The following SLC13A4 variants were observed in gnomAD, a reference collection of about 807,000 sequenced individuals.
SLC13A4 encodes the protein solute carrier family 13 member 4.
A neutral mutation model predicts 72.7 loss-of-function variants in SLC13A4; 28 were observed. The observed-to-expected ratio is 0.39, with a 90% CI of 0.29 to 0.53. The LOEUF is 0.53. Ranked by LOEUF, SLC13A4 falls within the 20% of genes least tolerant of loss-of-function variation. SLC13A4 has a pLI of 0.78. For synonymous variants in SLC13A4, 312 were observed against 325.5 expected, an observed-to-expected ratio of 0.96 and a Z score of 0.45; for missense variants, 653 against 788.0, an observed-to-expected ratio of 0.83 and a Z score of 2.05.
At chr7:135,725,563 C>T (rs189649763) in intron 1 of SLC13A4, among the ~76,000 whole-genome samples, 6 of 152,278 alleles carry the variant, frequency 3.9e-5, no homozygotes, top group Admixed American at 3.3e-4. Context: ...TCGCTTAGAA[C>T]CATCAAAACT....
chr7:135,721,779 C>T (rs1796555233), intron 1 of SLC13A4, among the ~76,000 whole-genome samples: 1 of 152,180 alleles, frequency 6.6e-6, no homozygotes, highest in South Asian at 2.1e-4. Flanking sequence ...AGCCAGGCAG[C>T]TCGGAGGGTT....
At chr7:135,716,790 G>T (rs1450387341) in intron 2 of SLC13A4, among the ~76,000 whole-genome samples, 3 of 152,126 alleles carry the variant, frequency 2.0e-5, no homozygotes, top group African/African-American at 7.2e-5. Context: ...TCTTTAAAAT[G>T]AAGATAAAAA....
intron 14 of SLC13A4, 76 bp from the exon 15 acceptor site, chr7:135,684,337 T>G (rs1795574013): frequency 2.0e-6 from 3 of 1,500,440 alleles, no homozygotes. Context: ...GAGCATGCTT[T>G]AATGATGACT....
intron 15 of SLC13A4, chr7:135,683,325 GGA>G: frequency 3.6e-6 from 1 of 281,258 alleles, no homozygotes; most frequent in Non-Finnish European, 4.9e-6. Flanking sequence ...AAAAAAAAAA[GGA>G]TAAAAAAGGA....
intron 13 of SLC13A4, among the ~76,000 whole-genome samples, chr7:135,688,547 A>G (rs1256039483): frequency 6.6e-6 from 1 of 152,136 alleles, no homozygotes; most frequent in African/African-American, 2.4e-5. Flanking sequence ...GTGAGTCACC[A>G]TGCCCGGCCT....
chr7:135,715,158 TGAGA>T (rs138920259), intron 2 of SLC13A4, among the ~76,000 whole-genome samples: 3 of 151,714 alleles, frequency 2.0e-5, no homozygotes, highest in Non-Finnish European at 4.4e-5. Flanking sequence ...TATGAGTGTG[TGAGA>T]GTATATATGT....
At chr7:135,694,084 T>C (rs1795849927) in intron 10 of SLC13A4, 53 bp downstream of exon 10, 1 of 1,098,164 alleles carries the variant, frequency 9.1e-7, no homozygotes, top group Non-Finnish European at 1.4e-6. Context: ...GTGCTCACTT[T>C]ACCTGCTGTG....
chr7:135,691,125 C>T, intron 13 of SLC13A4, 76 bp downstream of exon 13: 2 of 1,391,032 alleles, frequency 1.4e-6, no homozygotes, highest in Non-Finnish European at 1.9e-6. Context: ...GATTGTGCCA[C>T]TGCACTCCAG....
chr7:135,719,846 T>C (rs74727768), intron 2 of SLC13A4, among the ~76,000 whole-genome samples: 2,868 of 146,626 alleles, frequency 0.02, 39 homozygotes, highest in Non-Finnish European at 0.029. Context: ...CACACACGCA[T>C]ATATATATGT....
At chr7:135,718,365 G>A (rs1206777939) in intron 2 of SLC13A4, among the ~76,000 whole-genome samples, 2 of 152,164 alleles carry the variant, frequency 1.3e-5, no homozygotes, top group African/African-American at 4.8e-5. Context: ...CTATTCACGT[G>A]CCTTCCTTCC....
chr7:135,707,072 G>T (rs1196925195), intron 3 of SLC13A4, among the ~76,000 whole-genome samples: 1 of 152,174 alleles, frequency 6.6e-6, no homozygotes, highest in South Asian at 2.1e-4. Context: ...GGGACAGTAC[G>T]TTTATCATGT....
Position 135,718,088 on chromosome 7 carries a change from C to CACACACACACACGT in SLC13A4, c.228+3306_228+3307insACGTGTGTGTGTGT, listed in dbSNP as rs754511549. On this transcript the variant is annotated intron_variant, in intron 2 of 15. Coordinates refer to ENST00000682651, the MANE Select transcript of SLC13A4 (RefSeq NM_001318192.2). ...CAATTCCTACACACACACACACACA[C>CACACACACACACGT]GCGCGCGCGCGCACGCGTGCGCGCT... Among the ~76,000 whole-genome samples the CACACACACACACGT allele has an allele frequency of 1.8e-3, 266 of 149,664 alleles. 4 individuals are homozygous for CACACACACACACGT. The highest frequency in any genetic ancestry group is 5.6e-3 in the African/African-American group (225 of 40,318).
At chr7:135,683,778 T>G in intron 15 of SLC13A4, 1 of 985,400 alleles carries the variant, frequency 1.0e-6, no homozygotes, top group African/African-American at 1.7e-5. Context: ...AACCAGTAGC[T>G]TTCTCAATGA....
chr7:135,706,968 C>T (rs555202511), intron 3 of SLC13A4, among the ~76,000 whole-genome samples: 26 of 152,324 alleles, frequency 1.7e-4, no homozygotes, highest in Middle Eastern at 3.4e-3. Context: ...CAATGTGTGC[C>T]TGTACAGACA....
intron 3 of SLC13A4, 148 bp from the exon 4 acceptor site, chr7:135,706,448 C>T: frequency 1.4e-6 from 1 of 694,144 alleles, no homozygotes; most frequent in Non-Finnish European, 2.3e-6. Flanking sequence ...CCATTCAGCT[C>T]TGTACTCCCA....
chr7:135,723,461 G>C (rs1796587475), intron 1 of SLC13A4, among the ~76,000 whole-genome samples: 1 of 152,102 alleles, frequency 6.6e-6, no homozygotes, highest in South Asian at 2.1e-4. Context: ...CAGTTCATGG[G>C]CCTTGTTAAT....
intron 4 of SLC13A4, 160 bp from the exon 5 acceptor site, chr7:135,705,810 C>A (rs2129494767): frequency 1.5e-6 from 1 of 660,164 alleles, no homozygotes; most frequent in Non-Finnish European, 2.7e-6. Flanking sequence ...CTCATGGATG[C>A]AGACTGGCCC....
chr7:135,685,490 G>T, intron 14 of SLC13A4, 32 bp downstream of exon 14: 1 of 1,605,168 alleles, frequency 6.2e-7, no homozygotes, highest in South Asian at 1.1e-5. Flanking sequence ...GGGACAGCCT[G>T]TCTGGATGTC....
chr7:135,701,665 G>T lies in SLC13A4; in HGVS notation c.714+15C>A. ...TTCATGTAGGAAACAGAGCTAGAAG[G>T]GGCCGTTCTATTACCTGGGATGGGT... On this transcript the variant is annotated intron_variant, in intron 7 of 15. Transcript: ENST00000682651. The T allele has an allele frequency of 6.2e-7, 1 of 1,612,536 alleles. No individual in the cohort carries two copies. The highest frequency in any genetic ancestry group is 8.5e-7 in the Non-Finnish European group (1 of 1,178,750).
Sources: gnomAD v4.1 joint callset for allele counts (sites outside exome capture counted in the v4.1 genomes callset) on GRCh38, gnomAD v4.1.1 for gene constraint, MANE v1.5 for transcripts, NCBI Gene and HGNC (gene_info 2026-07-23, HGNC 2026-07-21) for gene names.